The following ITGA4 variants were observed in gnomAD, a reference collection of about 807,000 sequenced individuals.
ITGA4 encodes integrin alpha-4.
ITGA4 carries 63 observed loss-of-function variants against 133.6 expected under a neutral mutation model. The observed-to-expected ratio is 0.47, with a 90% CI of 0.38 to 0.58. The LOEUF (loss-of-function observed/expected upper bound fraction) is 0.58. Ranked by LOEUF, ITGA4 falls within the 20% of genes least tolerant of loss-of-function variation. The pLI is 0.00. For synonymous variants in ITGA4, 483 were observed against 438.0 expected, an observed-to-expected ratio of 1.10 and a Z score of -1.28; for missense variants, 1,076 against 1,252.7, an observed-to-expected ratio of 0.86 and a Z score of 2.13.
Position 181,534,511 on chromosome 2 carries a change from G to C in ITGA4, c.2883+141G>C, listed in dbSNP as rs748463727. On this transcript the variant is annotated intron_variant, in intron 26 of 27. Transcript: ENST00000397033. ...TGGAGGGCCCCCAATACTTGGTTGA[G>C]AGTTGGCATTTTCCACAACTGGCAG... The C allele has an allele frequency of 1.2e-3, 754 of 652,366 alleles. 5 individuals carry two copies. Among genetic ancestry groups the C allele is most frequent in the Middle Eastern group, 6.1e-3 (20 of 3,296 alleles). The allele number at this position is 652,366 out of a possible 1,614,324, so 40.4% of individuals were successfully genotyped here.
intron 12 of ITGA4, 40 bp downstream of exon 12, chr2:181,494,852 G>T: frequency 9.6e-7 from 1 of 1,040,782 alleles, no homozygotes; most frequent in Non-Finnish European, 1.5e-6. Flanking sequence ...ATTGGAATAA[G>T]CTCTATCATA....
At chr2:181,472,091 C>A (rs1474490232) in intron 2 of ITGA4, among the ~76,000 whole-genome samples, 2 of 152,138 alleles carry the variant, frequency 1.3e-5, no homozygotes, top group Non-Finnish European at 2.9e-5. Context: ...TGTGTGTAAA[C>A]CTCAGTGTGA....
At chr2:181,527,683 G>A (rs1207895034) in intron 22 of ITGA4, among the ~76,000 whole-genome samples, 1 of 151,968 alleles carries the variant, frequency 6.6e-6, no homozygotes, top group Non-Finnish European at 1.5e-5. Context: ...GAATTTGCTA[G>A]AGACACATAC....
chr2:181,490,461 T>G (rs999668597), intron 10 of ITGA4, among the ~76,000 whole-genome samples: 9 of 151,186 alleles, frequency 6.0e-5, no homozygotes, highest in Admixed American at 2.0e-4. Context: ...TTTCATTTTT[T>G]TTTTTTATGG....
chr2:181,487,463 G>A (rs1685947761), intron 10 of ITGA4, among the ~76,000 whole-genome samples: 3 of 152,142 alleles, frequency 2.0e-5, no homozygotes, highest in Admixed American at 2.0e-4. Flanking sequence ...TCTCCTGAGA[G>A]TTTGTATAAA....
rs1685167125 is a variant in ITGA4 at position 181,457,906 on chromosome 2, C to T, written c.197+55C>T. 8 of 1,475,412 alleles carry T rather than the reference C, an allele frequency of 5.4e-6. No homozygotes were observed. The Admixed American group carries it at 6.1e-5, about 11-fold the overall frequency. 91.4% of individuals were successfully genotyped at this position (1,475,412 alleles called of 1,614,324 possible). A position where few individuals can be genotyped will look rare whatever the true frequency, so the allele number is the denominator to read the frequency against. ...GCAGCTCAGAGCGGCGTGAGAATGG[C>T]GCCCTAGGGATTCCCTGCCCGATTC... On this transcript the variant is annotated intron_variant, in intron 1 of 27. Transcript: ENST00000397033.
At chr2:181,520,431 CTCTTA>C (rs953174438) in intron 17 of ITGA4, among the ~76,000 whole-genome samples, 122 of 151,950 alleles carry the variant, frequency 8.0e-4, no homozygotes, top group African/African-American at 2.8e-3. Flanking sequence ...GGAGTTGGAA[CTCTTA>C]TCTTGAAGGC....
At chr2:181,480,069 T>C (rs182881199) in intron 5 of ITGA4, 68 bp from the exon 6 acceptor site, 180 of 1,078,162 alleles carry the variant, frequency 1.7e-4, no homozygotes, top group Admixed American at 1.2e-3. Context: ...TTCACTATCG[T>C]GTATCTGGAG....
chr2:181,511,852 A>T, intron 17 of ITGA4, 77 bp downstream of exon 17: 3 of 728,252 alleles, frequency 4.1e-6, no homozygotes, highest in Non-Finnish European at 7.4e-6. Flanking sequence ...TTCCCAAAAG[A>T]AAAGGAACAA....
chr2:181,463,509 A>G (rs1345698190), intron 2 of ITGA4, among the ~76,000 whole-genome samples: 1 of 152,150 alleles, frequency 6.6e-6, no homozygotes, highest in African/African-American at 2.4e-5. Context: ...GAGATTCTGA[A>G]GGTATTTAGG....
intron 16 of ITGA4, among the ~76,000 whole-genome samples, chr2:181,511,449 T>C (rs1183687420): frequency 6.6e-6 from 1 of 152,068 alleles, no homozygotes; most frequent in Admixed American, 6.6e-5. Context: ...CAAATCTTAT[T>C]TCACTTAGAA....
chr2:181,483,350 G>A (rs1055773338), intron 9 of ITGA4, among the ~76,000 whole-genome samples: 6 of 152,034 alleles, frequency 3.9e-5, no homozygotes, highest in African/African-American at 1.4e-4. Flanking sequence ...ACAAAAAATT[G>A]GTGGAGTCTT....
At chr2:181,530,719 A>G (rs1257979993) in intron 24 of ITGA4, 70 bp downstream of exon 24, 1 of 1,408,380 alleles carries the variant, frequency 7.1e-7, no homozygotes, top group South Asian at 1.2e-5. Flanking sequence ...AAATCAAGTC[A>G]ATGGGTTTGA....
chr2:181,534,897 C>T lies in ITGA4; in HGVS notation c.2965C>T (p.Leu989Phe). Residue 989 changes from leucine (L) to phenylalanine (F), a missense_variant, in exon 27 of 28, where the codon CTT becomes TTT. Around this residue, in one of 4 missense-constraint regions of ITGA4, gnomAD observed 193 missense variants for 172.3 expected, o/e 1.12. Transcript: ENST00000397033. ...TATTTCAAGTAGCTTGCTACTTGGA[C>T]TTATTGTACTTCTATTGATCTCATA... ...VIISSSLLLG[L>F]IVLLLISYVM... The T allele has an allele frequency of 6.3e-7, 1 of 1,593,108 alleles. No individual in the cohort carries two copies. Among genetic ancestry groups the T allele is most frequent in the Non-Finnish European group, 8.5e-7 (1 of 1,173,096 alleles).
chr2:181,495,541 TATTG>T lies in ITGA4; in HGVS notation c.1385+129_1385+132del, dbSNP rs1366430279. ...CTCTTTTGGTATTCTGAAGCTTAAT[TATTG>T]ATTTTTAGGGTATTTTTTTCACCTT... On this transcript the variant is annotated intron_variant, in intron 13 of 27. Transcript: ENST00000397033. This position sits in a 1 kb window ranked among gnomAD's most constrained non-coding sequence, Gnocchi z 4.3. The T allele has an allele frequency of 1.3e-6, 1 of 781,726 alleles. No individual in the cohort carries two copies. The highest frequency in any genetic ancestry group is 2.2e-6 in the Non-Finnish European group (1 of 460,852). The allele number at this position is 781,726 out of a possible 1,614,324, so 48.4% of individuals were successfully genotyped here. A position where few individuals can be genotyped will look rare whatever the true frequency, so the allele number is the denominator to read the frequency against.
intron 17 of ITGA4, among the ~76,000 whole-genome samples, chr2:181,515,922 T>C (rs1367054049): frequency 6.6e-5 from 10 of 152,078 alleles, no homozygotes; most frequent in African/African-American, 1.2e-4. Context: ...GTAAATGTAT[T>C]TACTCAGTAA....
At chr2:181,468,349 C>T (rs908343064) in intron 2 of ITGA4, among the ~76,000 whole-genome samples, 2 of 152,260 alleles carry the variant, frequency 1.3e-5, no homozygotes, top group Admixed American at 6.5e-5. Context: ...GCTTAGATCT[C>T]TGAGAGTTTG....
At chr2:181,518,808 A>G (rs1686661882) in intron 17 of ITGA4, among the ~76,000 whole-genome samples, 1 of 151,998 alleles carries the variant, frequency 6.6e-6, no homozygotes, top group African/African-American at 2.4e-5. Context: ...TCTAAAGTAT[A>G]TATATTTTTA....
chr2:181,462,872 C>T (rs1269290886), intron 2 of ITGA4, among the ~76,000 whole-genome samples: 4 of 152,110 alleles, frequency 2.6e-5, no homozygotes, highest in Non-Finnish European at 4.4e-5. Context: ...TGCTGAAATC[C>T]GTTGCACATG....
Sources: allele counts gnomAD v4.1 joint callset (sites outside exome capture counted in the v4.1 genomes callset), GRCh38; gene constraint gnomAD v4.1.1; regional missense constraint gnomAD v4.1.1; non-coding constraint Gnocchi (gnomAD v3.1); transcripts MANE v1.5; gene names NCBI Gene and HGNC (gene_info 2026-07-23, HGNC 2026-07-21).